Variants in KIF25 observed in about 807,000 individuals in gnomAD.
KIF25 encodes the protein kinesin family member 25.
In KIF25, 19 loss-of-function variants were observed where a neutral mutation model predicts 32.9. The observed-to-expected ratio is 0.58, with a 90% CI of 0.40 to 0.85. The LOEUF is 0.85. KIF25 is among the 40% of genes least tolerant of loss of function. The probability of loss-of-function intolerance (pLI) is 0.00; values close to 1 mark genes in which losing one functional copy is unlikely to be tolerated. For missense variants in KIF25, 485 were observed against 507.0 expected (o/e 0.96, Z 0.42); for synonymous variants, 225 against 213.7 (o/e 1.05, Z -0.46).
chr6:168,044,719 G>A (rs566509599), intron 12 of KIF25, 108 bp from the exon 13 acceptor site: 77 of 1,172,466 alleles, frequency 6.6e-5, no homozygotes, highest in East Asian at 1.5e-4. Flanking sequence ...CTGGGGCGCC[G>A]GGCGGCCCTC....
intron 4 of KIF25, among the ~76,000 whole-genome samples, chr6:168,005,687 G>A (rs1798570284): frequency 6.6e-6 from 1 of 152,214 alleles, no homozygotes; most frequent in African/African-American, 2.4e-5. Context: ...GATGTTCGAG[G>A]GTAGGAAGCA....
At position 168,034,147 on chromosome 6, in the gene KIF25, A is replaced by G. The variant is rs1453666846; in HGVS notation, c.317+116A>G. The G allele has an allele frequency of 4.8e-6, 5 of 1,048,894 alleles. No individual in the cohort carries two copies. The Admixed American group carries it at 8.6e-5, about 18-fold the overall frequency. The allele number at this position is 1,048,894 out of a possible 1,614,324, so 65.0% of individuals were successfully genotyped here. A position where few individuals can be genotyped will look rare whatever the true frequency, so the allele number is the denominator to read the frequency against. On this transcript the variant is annotated intron_variant, in intron 8 of 12. Coordinates refer to ENST00000643607, the MANE Select transcript of KIF25 (RefSeq NM_030615.4). The stretch of plus-strand genomic sequence containing the variant: ...CATTTGAAGAAGGTGATCAAACCCC[A>G]TAATCTCATCAGATACATTCAACAC...
At chr6:168,008,710 G>C (rs972667063) in intron 4 of KIF25, among the ~76,000 whole-genome samples, 2 of 152,020 alleles carry the variant, frequency 1.3e-5, no homozygotes, top group African/African-American at 4.8e-5. Context: ...TTGAGCATGA[G>C]ATGTCTTTCC....
At chr6:168,036,946 C>A (rs1799033627) in intron 8 of KIF25, among the ~76,000 whole-genome samples, 2 of 152,182 alleles carry the variant, frequency 1.3e-5, no homozygotes, top group Non-Finnish European at 2.9e-5. Flanking sequence ...CCTGTAATGT[C>A]AGCTACTCAG....
intron 5 of KIF25, among the ~76,000 whole-genome samples, chr6:168,021,625 T>C (rs78238605): frequency 0.013 from 2,007 of 152,326 alleles, 49 homozygotes; most frequent in African/African-American, 0.046. Context: ...CCACTATCCA[T>C]CTTCACAGTG....
At chr6:168,039,242 G>A (rs73788693) in intron 9 of KIF25, among the ~76,000 whole-genome samples, 3,598 of 152,304 alleles carry the variant, frequency 0.024, 159 homozygotes, top group African/African-American at 0.082. Context: ...AAGCAGACTT[G>A]TGGAGGTGAA....
intron 3 of KIF25, among the ~76,000 whole-genome samples, chr6:168,003,114 G>A (rs1340194774): frequency 6.6e-6 from 1 of 152,184 alleles, no homozygotes; most frequent in Non-Finnish European, 1.5e-5. Flanking sequence ...CAGGGATTTG[G>A]GACCCTTGTT....
At chr6:168,036,036 G>C (rs1799021017) in intron 8 of KIF25, 1 of 261,776 alleles carries the variant, frequency 3.8e-6, no homozygotes, top group Admixed American at 4.3e-5. Flanking sequence ...GCTGATATCA[G>C]AGATAGTTTA....
intron 2 of KIF25, among the ~76,000 whole-genome samples, chr6:167,999,784 T>C (rs1798471885): frequency 6.6e-6 from 1 of 152,196 alleles, no homozygotes; most frequent in African/African-American, 2.4e-5. Flanking sequence ...TTGATGGTAT[T>C]CATGGATACA....
intron 11 of KIF25, 26 bp downstream of exon 11, chr6:168,042,177 G>C (rs1354494535): frequency 6.5e-7 from 1 of 1,542,186 alleles, no homozygotes; most frequent in Non-Finnish European, 8.8e-7. Context: ...CATTTCCCTG[G>C]GGGGTGGGTG....
chr6:168,041,658 C>T (rs1583147570), intron 10 of KIF25, among the ~76,000 whole-genome samples: 1 of 152,194 alleles, frequency 6.6e-6, no homozygotes, highest in Non-Finnish European at 1.5e-5. Flanking sequence ...TAAAAGGGCT[C>T]ATAGATTTTC....
intron 8 of KIF25, among the ~76,000 whole-genome samples, chr6:168,035,296 A>C (rs1283708729): frequency 6.6e-6 from 1 of 151,374 alleles, no homozygotes; most frequent in Non-Finnish European, 1.5e-5. Context: ...TTTCCCCCTC[A>C]GCTGGGCTTA....
rs1291828147 is a variant in KIF25 at position 168,034,026 on chromosome 6, C to T, written c.312C>T (p.Leu104=). 3.1e-6 allele frequency: 5 copies of T among 1,614,002 alleles called. No homozygotes were observed. The highest frequency in any genetic ancestry group is 4.2e-6 in the Non-Finnish European group (5 of 1,180,016). The change falls in exon 8 of 13, where the codon CTC becomes CTT. Residue 104 remains leucine, a synonymous_variant. Transcript: ENST00000643607. ...TTATCCCTAGAGTGGCTGAGGAGCT[C>T]TTCAGGTACTGCCGATGGTGATGAG... The part of the protein sequence containing the change: ...LGIIPRVAEE[L]FRLILENTSR...
At chr6:168,029,464 T>C in intron 5 of KIF25, 28 bp from the exon 6 acceptor site, 3 of 1,465,628 alleles carry the variant, frequency 2.0e-6, no homozygotes, top group Non-Finnish European at 2.7e-6. Flanking sequence ...GTAATACTGT[T>C]ACGTTTTCAA....
At chr6:168,039,812 T>C (rs1799088815) in intron 9 of KIF25, among the ~76,000 whole-genome samples, 1 of 152,230 alleles carries the variant, frequency 6.6e-6, no homozygotes, top group Non-Finnish European at 1.5e-5. Context: ...GTTGAAAAGG[T>C]TAGCAACCTC....
chr6:168,029,425 A>G, intron 5 of KIF25, 67 bp from the exon 6 acceptor site: 1 of 1,120,862 alleles, frequency 8.9e-7, no homozygotes, highest in Non-Finnish European at 1.2e-6. Context: ...TTAAAGAATA[A>G]CTAACATTCA....
chr6:168,003,020 C>T (rs978683583), intron 3 of KIF25, among the ~76,000 whole-genome samples: 4 of 152,188 alleles, frequency 2.6e-5, no homozygotes, highest in South Asian at 4.1e-4. Flanking sequence ...TGATAGGGAG[C>T]GGCTGTAATT....
At chr6:168,027,474 A>AG (rs1336260512) in intron 5 of KIF25, among the ~76,000 whole-genome samples, 10 of 140,650 alleles carry the variant, frequency 7.1e-5, no homozygotes, top group South Asian at 2.4e-4. Flanking sequence ...AAAAAAAAAA[A>AG]AGAGAGAGAG....
At chr6:168,019,755 G>C (rs1798763531) in intron 5 of KIF25, among the ~76,000 whole-genome samples, 1 of 152,226 alleles carries the variant, frequency 6.6e-6, no homozygotes, top group Non-Finnish European at 1.5e-5. Context: ...ATGGGACCAT[G>C]ATGTATTGGC....
Sources: gnomAD v4.1 joint callset for allele counts (sites outside exome capture counted in the v4.1 genomes callset) on GRCh38, gnomAD v4.1.1 for gene constraint, MANE v1.5 for transcripts, NCBI Gene and HGNC (gene_info 2026-07-23, HGNC 2026-07-21) for gene names.